The following TLK1 variants were observed in gnomAD, a reference collection of about 807,000 sequenced individuals.
TLK1 encodes tousled like kinase 1.
In TLK1, 24 loss-of-function variants were observed where a neutral mutation model predicts 105.3. The observed-to-expected ratio is 0.23, with a 90% CI of 0.17 to 0.32. TLK1 has a LOEUF of 0.32. Among genes scored for constraint, TLK1 ranks in the 10% least tolerant of loss-of-function variants. TLK1 has a pLI of 1.00. For synonymous variants in TLK1, 321 were observed against 310.4 expected (o/e 1.03, Z -0.36); for missense variants, 558 against 910.5 (o/e 0.61, Z 4.98).
chr2:170,993,751 A>G lies in TLK1; in HGVS notation c.*29T>C. On this transcript the variant is annotated 3_prime_UTR_variant, in exon 21 of 21. Transcript: ENST00000431350. ...TAAGTGTGCATCTGGAAGCAAATTC[A>G]AAGATATCATGCCAATCTTGGAGGA... The G allele has an allele frequency of 6.6e-7, 1 of 1,504,496 alleles. No individual in the cohort carries two copies. The highest frequency in any genetic ancestry group is 8.9e-7 in the Non-Finnish European group (1 of 1,123,490). The allele number at this position is 1,504,496 out of a possible 1,614,324, so 93.2% of individuals were successfully genotyped here. A position where few individuals can be genotyped will look rare whatever the true frequency, so the allele number is the denominator to read the frequency against.
intron 1 of TLK1, among the ~76,000 whole-genome samples, chr2:171,212,367 C>T (rs1575660922): frequency 6.6e-6 from 1 of 151,120 alleles, no homozygotes; most frequent in South Asian, 2.1e-4. Context: ...ACCTGACACC[C>T]CCAATTTTCC....
At chr2:171,096,969 T>C (rs1558939825) in intron 2 of TLK1, among the ~76,000 whole-genome samples, 1 of 152,006 alleles carries the variant, frequency 6.6e-6, no homozygotes, top group Non-Finnish European at 1.5e-5. Flanking sequence ...TTCACAGCAA[T>C]AGAAAAAACA....
intron 1 of TLK1, among the ~76,000 whole-genome samples, chr2:171,226,069 C>T (rs16859221): frequency 0.055 from 8,348 of 152,164 alleles, 492 homozygotes; most frequent in East Asian, 0.25. Context: ...TGGATTTCCC[C>T]TGGTGGAGTC....
intron 1 of TLK1, among the ~76,000 whole-genome samples, chr2:171,207,751 C>A (rs933649195): frequency 3.3e-5 from 5 of 152,100 alleles, no homozygotes; most frequent in African/African-American, 1.2e-4. Context: ...GAATCACTTT[C>A]TTTTTGTCAC....
At chr2:171,177,504 G>A (rs1692852184) in intron 1 of TLK1, among the ~76,000 whole-genome samples, 1 of 152,134 alleles carries the variant, frequency 6.6e-6, no homozygotes, top group Non-Finnish European at 1.5e-5. Context: ...GCCCTTGTGA[G>A]AGACCTCGGC....
At chr2:171,170,162 T>A (rs1233700109) in intron 1 of TLK1, among the ~76,000 whole-genome samples, 1 of 152,154 alleles carries the variant, frequency 6.6e-6, no homozygotes, top group Non-Finnish European at 1.5e-5. Context: ...AATACTTTAC[T>A]GCTTATAAAA....
At chr2:171,109,473 G>C (rs1690068698) in intron 2 of TLK1, among the ~76,000 whole-genome samples, 2 of 152,040 alleles carry the variant, frequency 1.3e-5, no homozygotes, top group Admixed American at 6.6e-5. Context: ...AACAAGAAAA[G>C]TTAAAATAAA....
Position 171,222,807 on chromosome 2 carries a change from C to CTATTTATT in TLK1, c.-6+8330_-6+8337dup, listed in dbSNP as rs149339297. ...TACAATATAAATTATTAACTATAGT[C>CTATTTATT]TATTTATTTATTTATTTATTTATTT... On this transcript the variant is annotated intron_variant, in intron 1 of 20. Transcript: ENST00000521943. Among the ~76,000 whole-genome samples, 191 of 150,584 alleles carry CTATTTATT rather than the reference C, an allele frequency of 1.3e-3. 1 individual carries two copies. Among genetic ancestry groups the CTATTTATT allele is most frequent in the Middle Eastern group, 3.4e-3 (1 of 292 alleles).
At chr2:171,019,862 A>G (rs1337578957) in intron 12 of TLK1, among the ~76,000 whole-genome samples, 4 of 152,180 alleles carry the variant, frequency 2.6e-5, no homozygotes, top group African/African-American at 9.7e-5. Context: ...GTTCGAGACC[A>G]GCCTGGCCAA....
At chr2:171,046,787 A>G (rs1419938229) in intron 10 of TLK1, among the ~76,000 whole-genome samples, 1 of 152,168 alleles carries the variant, frequency 6.6e-6, no homozygotes, top group Non-Finnish European at 1.5e-5. Flanking sequence ...TGCTCAGTAA[A>G]TGTTTCTTGA....
At chr2:171,013,490 G>A (rs1327887834) in intron 13 of TLK1, among the ~76,000 whole-genome samples, 2 of 151,728 alleles carry the variant, frequency 1.3e-5, no homozygotes, top group Admixed American at 6.6e-5. Context: ...ATTTTTTGTA[G>A]AGACAGGGTT....
chr2:171,180,094 CAAAAAAA>C (rs57360155), intron 1 of TLK1, among the ~76,000 whole-genome samples: 35 of 68,748 alleles, frequency 5.1e-4, no homozygotes, highest in Non-Finnish European at 9.8e-4. Context: ...GACTCTGTCT[CAAAAAAA>C]AAAAAAAAAA....
intron 1 of TLK1, among the ~76,000 whole-genome samples, chr2:171,187,238 C>T (rs1693049146): frequency 6.6e-6 from 1 of 151,960 alleles, no homozygotes; most frequent in East Asian, 1.9e-4. Flanking sequence ...CTAGGAGTCT[C>T]CCTTGCATTT....
chr2:171,204,962 A>AG (rs1464025573), intron 1 of TLK1, among the ~76,000 whole-genome samples: 5 of 75,306 alleles, frequency 6.6e-5, no homozygotes, highest in South Asian at 6.5e-4. Context: ...CAAAAAAAAA[A>AG]GAAAAAAAAA....
intron 2 of TLK1, among the ~76,000 whole-genome samples, chr2:171,093,778 A>G (rs1689340422): frequency 6.6e-6 from 1 of 152,196 alleles, no homozygotes; most frequent in Non-Finnish European, 1.5e-5. Flanking sequence ...ATCTATGGGG[A>G]AGAATGTCTG....
At chr2:171,057,921 C>G (rs1687578273) in intron 5 of TLK1, among the ~76,000 whole-genome samples, 1 of 151,970 alleles carries the variant, frequency 6.6e-6, no homozygotes, top group African/African-American at 2.4e-5. Flanking sequence ...TTTTGCCTAT[C>G]TTACAGGTTA....
chr2:171,094,623 T>C (rs1251004391), intron 2 of TLK1, among the ~76,000 whole-genome samples: 1 of 152,164 alleles, frequency 6.6e-6, no homozygotes, highest in East Asian at 1.9e-4. Flanking sequence ...TTTCTTTTTT[T>C]CCGAGACAGA....
At chr2:171,046,837 T>A (rs540005367) in intron 10 of TLK1, among the ~76,000 whole-genome samples, 2 of 152,168 alleles carry the variant, frequency 1.3e-5, no homozygotes, top group African/African-American at 4.8e-5. Flanking sequence ...TATTAAAGTA[T>A]GGGGTATATG....
chr2:171,025,378 A>G (rs909561623), intron 12 of TLK1, among the ~76,000 whole-genome samples: 1 of 152,192 alleles, frequency 6.6e-6, no homozygotes, highest in African/African-American at 2.4e-5. Flanking sequence ...GGCTTCCTCA[A>G]TGAACTTTGG....
Sources: gnomAD v4.1 joint callset for allele counts (sites outside exome capture counted in the v4.1 genomes callset) on GRCh38, gnomAD v4.1.1 for gene constraint, MANE v1.5 for transcripts, NCBI Gene and HGNC (gene_info 2026-07-23, HGNC 2026-07-21) for gene names.